SLC26A5: variants seen among roughly 807,000 people sequenced by gnomAD.
The protein encoded by SLC26A5 is solute carrier family 26 member 5, also known as prestin.
A neutral mutation model predicts 81.0 loss-of-function variants in SLC26A5; 51 were observed. The ratio of observed to expected loss-of-function variants is 0.63; its 90% confidence interval spans 0.50 to 0.80. The LOEUF (loss-of-function observed/expected upper bound fraction) is 0.80. Among genes scored for constraint, SLC26A5 ranks in the 30% least tolerant of loss-of-function variants. The pLI, the probability that SLC26A5 is intolerant of heterozygous loss-of-function variation, is 0.00. For synonymous variants in SLC26A5, 325 were observed against 332.8 expected, an observed-to-expected ratio of 0.98 and a Z score of 0.25; for missense variants, 771 against 905.8, an observed-to-expected ratio of 0.85 and a Z score of 1.91.
chr7:103,379,986 A>C lies in SLC26A5; in HGVS notation c.1584+494T>G, dbSNP rs1166396811. On this transcript the variant is annotated intron_variant, in intron 15 of 19. Transcript: ENST00000306312. Reference sequence around the variant, plus strand: ...GAGAATTTCTTCCCAAGCATAAGACAAGACCGACAGACAAAACTAGTTTTA... The same window carrying C: ...GAGAATTTCTTCCCAAGCATAAGACCAGACCGACAGACAAAACTAGTTTTA... 2.6e-5 allele frequency among the ~76,000 whole-genome samples: 4 copies of C among 152,146 alleles called. No individual in the cohort carries two copies. In the East Asian group the frequency reaches 5.8e-4, roughly 22 times the overall value.
intron 8 of SLC26A5, among the ~76,000 whole-genome samples, chr7:103,402,512 G>T (rs1414682954): frequency 6.7e-6 from 1 of 149,620 alleles, no homozygotes; most frequent in African/African-American, 2.5e-5. Context: ...TGATTCTCCT[G>T]CCTCAACCTC....
chr7:103,410,673 C>T (rs915072393), intron 6 of SLC26A5, 124 bp from the exon 7 acceptor site: 1 of 899,056 alleles, frequency 1.1e-6, no homozygotes, highest in Admixed American at 2.1e-5. Context: ...GAGTCTTGCT[C>T]TGTCACCCAG....
At chr7:103,445,598 G>C (rs1259531970) in intron 1 of SLC26A5, 1 of 152,282 alleles carries the variant, frequency 6.6e-6, no homozygotes, top group African/African-American at 2.4e-5. Context: ...GCCCAGTTTC[G>C]GGACCACAGC....
intron 8 of SLC26A5, among the ~76,000 whole-genome samples, chr7:103,405,771 C>T (rs1036221387): frequency 3.3e-5 from 5 of 152,190 alleles, no homozygotes; most frequent in South Asian, 2.1e-4. Context: ...GCTGAAGCTG[C>T]GCCCACAGCT....
intron 7 of SLC26A5, among the ~76,000 whole-genome samples, chr7:103,409,632 G>A (rs1002230736): frequency 2.0e-5 from 3 of 151,928 alleles, no homozygotes; most frequent in Non-Finnish European, 4.4e-5. Flanking sequence ...GTTTGGTAAG[G>A]GGTCTATATA....
intron 11 of SLC26A5, among the ~76,000 whole-genome samples, chr7:103,391,290 T>C (rs563556974): frequency 1.8e-4 from 28 of 152,374 alleles, no homozygotes; most frequent in Admixed American, 9.8e-4. Context: ...ATTTCCATCA[T>C]TGCGGAAAGT....
Position 103,374,319 on chromosome 7 carries a change from T to C in SLC26A5, c.*80A>G. The C allele has an allele frequency of 2.5e-6, 4 of 1,570,570 alleles. No homozygotes were observed. Among genetic ancestry groups the C allele is most frequent in the Non-Finnish European group, 3.5e-6 (4 of 1,159,252 alleles). ...TAGTATTCACCCTTAGAAAAAAAAA[T>C]CTAGCGTCTAGTATTTAAAACGTGT... On this transcript the variant is annotated 3_prime_UTR_variant, in exon 20 of 20. Transcript: ENST00000306312.
At position 103,378,398 on chromosome 7, in the gene SLC26A5, A is replaced by G. The variant is rs758075479; in HGVS notation, c.1785+48T>C. 22 of 1,546,932 alleles carry G rather than the reference A, an allele frequency of 1.4e-5. No homozygotes were observed. In the South Asian group the frequency reaches 2.0e-4, roughly 14 times the overall value. ...TCAGTCATGAGTAAAGATGGAGGGC[A>G]TTGCAGAACAAGACAGAACGGATTA... On this transcript the variant is annotated intron_variant, in intron 17 of 19. Coordinates refer to ENST00000306312, the MANE Select transcript of SLC26A5 (RefSeq NM_198999.3).
At chr7:103,398,884 C>T (rs903431129) in intron 8 of SLC26A5, among the ~76,000 whole-genome samples, 1 of 152,042 alleles carries the variant, frequency 6.6e-6, no homozygotes, top group Non-Finnish European at 1.5e-5. Context: ...ATGGGAGGAT[C>T]CTTTTCTGTT....
At chr7:103,362,806 T>G (rs1820488525) in intron 19 of SLC26A5, 1 of 1,440,072 alleles carries the variant, frequency 6.9e-7, no homozygotes, top group Admixed American at 1.9e-5. Context: ...TTTTTTTTTT[T>G]TTTTTTTGAG....
intron 14 of SLC26A5, among the ~76,000 whole-genome samples, chr7:103,382,341 A>G (rs543498942): frequency 4.1e-5 from 5 of 122,996 alleles, no homozygotes; most frequent in African/African-American, 6.2e-5. Flanking sequence ...TGAGAGCCCT[A>G]TTTCCTTTTT....
At chr7:103,395,377 A>G (rs962906861) in intron 9 of SLC26A5, among the ~76,000 whole-genome samples, 1 of 138,320 alleles carries the variant, frequency 7.2e-6, no homozygotes, top group Non-Finnish European at 1.5e-5. Flanking sequence ...AAGCTGTCAC[A>G]TACAGAAGGG....
intron 4 of SLC26A5, among the ~76,000 whole-genome samples, chr7:103,419,595 T>G (rs1825178142): frequency 6.6e-6 from 1 of 151,916 alleles, no homozygotes; most frequent in Non-Finnish European, 1.5e-5. Flanking sequence ...TGGAGTCCAG[T>G]GGCACGATCT....
chr7:103,363,223 A>G lies in SLC26A5; in HGVS notation c.2042-10297T>C, dbSNP rs1820515682. On this transcript the variant is annotated intron_variant, in intron 19 of 19. Coordinates refer to the SLC26A5 transcript ENST00000339444. ...TCCAGGGCACTGGGCAATGTATTCAATTTTTATTAAAATTCTCACTTGTGA... is the reference window on the plus strand; with the variant it reads ...TCCAGGGCACTGGGCAATGTATTCAGTTTTTATTAAAATTCTCACTTGTGA... 6.6e-6 allele frequency: 5 copies of G among 757,900 alleles called. No individual in the cohort carries two copies. The South Asian group carries it at 9.4e-5, about 14-fold the overall frequency. 46.9% of individuals were successfully genotyped at this position (757,900 alleles called of 1,614,324 possible). A position where few individuals can be genotyped will look rare whatever the true frequency, so the allele number is the denominator to read the frequency against.
intron 2 of SLC26A5, among the ~76,000 whole-genome samples, chr7:103,425,249 G>T (rs911358072): frequency 6.6e-6 from 1 of 152,158 alleles, no homozygotes; most frequent in African/African-American, 2.4e-5. Context: ...ACATGCAGTT[G>T]ATCAGCTAGA....
At chr7:103,393,446 G>T (rs1219786045) in intron 9 of SLC26A5, among the ~76,000 whole-genome samples, 2 of 152,134 alleles carry the variant, frequency 1.3e-5, no homozygotes, top group African/African-American at 2.4e-5. Flanking sequence ...AAGTCTTGGG[G>T]TGGGGAGGAG....
At chr7:103,417,376 A>G (rs1226597816) in intron 4 of SLC26A5, among the ~76,000 whole-genome samples, 7 of 151,722 alleles carry the variant, frequency 4.6e-5, no homozygotes, top group African/African-American at 1.7e-4. Context: ...CTCAAAAAAA[A>G]AAAAAAAAAG....
In SLC26A5 at chr7:103,415,008, C is replaced by T. The variant is rs182222422; in HGVS notation, c.293-1896G>A. ...GAGGGCCTGGGTCATTCATTCATAG[C>T]TTGGGATAGATTGACTGGCATCCCT... On this transcript the variant is annotated intron_variant, in intron 4 of 19. Coordinates refer to ENST00000306312, the MANE Select transcript of SLC26A5 (RefSeq NM_198999.3). Among the ~76,000 whole-genome samples, 25 of 152,302 alleles carry T rather than the reference C, an allele frequency of 1.6e-4. No homozygotes were observed. In the East Asian group the frequency reaches 4.4e-3, roughly 27 times the overall value.
intron 1 of SLC26A5, among the ~76,000 whole-genome samples, 155 bp from the exon 2 acceptor site, chr7:103,443,366 C>G (rs754621579): frequency 5.3e-5 from 8 of 152,212 alleles, no homozygotes; most frequent in Admixed American, 2.0e-4. Context: ...CAGTGGCTTA[C>G]ATGCGATAGA....
Sources: gnomAD v4.1 joint callset for allele counts (sites outside exome capture counted in the v4.1 genomes callset) on GRCh38, gnomAD v4.1.1 for gene constraint, MANE v1.5 for transcripts, NCBI Gene and HGNC (gene_info 2026-07-23, HGNC 2026-07-21) for gene names.